PCDH17: variants seen among roughly 807,000 people sequenced by gnomAD.
PCDH17 encodes the protein protocadherin-17.
PCDH17 carries 21 observed loss-of-function variants against 67.7 expected under a neutral mutation model. The observed-to-expected ratio is 0.31, with a 90% confidence interval of 0.22 to 0.45. The LOEUF (loss-of-function observed/expected upper bound fraction) is 0.45, where lower values mean the gene tolerates loss of function less well. PCDH17 is among the 20% of genes least tolerant of loss of function. The probability of loss-of-function intolerance (pLI) is 1.00; values close to 1 mark genes in which losing one functional copy is unlikely to be tolerated. For synonymous variants in PCDH17, 701 were observed against 656.7 expected (o/e 1.07, Z -1.03); for missense variants, 1,471 against 1,564.8 (o/e 0.94, Z 1.01).
intron 1 of PCDH17, among the ~76,000 whole-genome samples, chr13:57,641,050 ATTAG>A (rs1359083278): frequency 2.6e-5 from 4 of 151,936 alleles, no homozygotes; most frequent in African/African-American, 7.2e-5. Context: ...ATGACTGTAT[ATTAG>A]TTAGAGAATA....
intron 3 of PCDH17, among the ~76,000 whole-genome samples, chr13:57,674,011 C>T (rs982241068): frequency 6.6e-6 from 1 of 151,996 alleles, no homozygotes; most frequent in Non-Finnish European, 1.5e-5. Flanking sequence ...ATATTTTTCA[C>T]ATGTGCAAAC....
rs1313750063 is a variant in PCDH17 at position 57,633,331 on chromosome 13, T to C, written c.785T>C (p.Val262Ala). 1 of 1,613,068 alleles carries C rather than the reference T, an allele frequency of 6.2e-7. No individual in the cohort carries two copies. Among genetic ancestry groups the C allele is most frequent in the Admixed American group, 1.7e-5 (1 of 59,988 alleles). ...LPENAPLGTVVIDLNATDADE... is the reference protein window; with the variant it reads ...LPENAPLGTVAIDLNATDADE... ...GAGAACGCTCCGCTGGGTACAGTGG[T>C]CATCGATCTGAACGCCACCGACGCC... The change falls in exon 1 of 4, where the codon GTC becomes GCC. Residue 262 changes from valine (V) to alanine (A), a missense_variant. By Grantham distance (64) the Val-to-Ala change is moderately conservative. Coordinates refer to ENST00000377918, the MANE Select transcript of PCDH17 (RefSeq NM_001040429.3). The surrounding 1 kb of genome is among the most constrained non-coding windows in gnomAD (Gnocchi z 6.2).
chr13:57,692,356 A>G (rs1218964352), intron 3 of PCDH17, among the ~76,000 whole-genome samples: 1 of 151,232 alleles, frequency 6.6e-6, no homozygotes, highest in African/African-American at 2.4e-5. Flanking sequence ...ATCTGTATTA[A>G]TTTACTTTAA....
intron 3 of PCDH17, among the ~76,000 whole-genome samples, chr13:57,695,080 T>C (rs981040477): frequency 6.6e-6 from 1 of 151,148 alleles, no homozygotes; most frequent in African/African-American, 2.4e-5. Context: ...TCCAGTTGAA[T>C]TGAATTTTTA....
At chr13:57,672,205 C>CT (rs796982361) in intron 3 of PCDH17, among the ~76,000 whole-genome samples, 2 of 151,870 alleles carry the variant, frequency 1.3e-5, no homozygotes, top group Non-Finnish European at 2.9e-5. Flanking sequence ...TAAGGATGGC[C>CT]TTTTTTTCCT....
At position 57,634,222 on chromosome 13, in the gene PCDH17, C is replaced by A. The variant is rs1566213902; in HGVS notation, c.1676C>A (p.Ala559Glu). ...AAGGTGCTTGCTAAGGACTCGGGGG[C>A]GCCCGCGCACTTGGAGAGCAACGCC... ...EFKVLAKDSG[A>E]PAHLESNATV... Residue 559 changes from alanine to glutamate, a missense_variant, in exon 1 of 4, where the codon GCG (alanine) becomes GAG (glutamate). Coordinates refer to ENST00000377918, the MANE Select transcript of PCDH17 (RefSeq NM_001040429.3). This position sits in a 1 kb window ranked among gnomAD's most constrained non-coding sequence, Gnocchi z 7.8. The A allele has an allele frequency of 6.2e-7, 1 of 1,613,278 alleles. No homozygotes were observed. The highest frequency in any genetic ancestry group is 2.2e-5 in the East Asian group (1 of 44,822).
upstream of PCDH17, among the ~76,000 whole-genome samples, chr13:57,631,376 CT>C (rs1020345190): frequency 9.2e-5 from 14 of 152,260 alleles, no homozygotes; most frequent in African/African-American, 7.2e-5. Context: ...CTCCCCCTTC[CT>C]TTTTATTCGG....
At chr13:57,702,880 C>T (rs538123429) in intron 3 of PCDH17, among the ~76,000 whole-genome samples, 1 of 152,232 alleles carries the variant, frequency 6.6e-6, no homozygotes, top group East Asian at 1.9e-4. Context: ...TAGAAGGAGG[C>T]ACAGTTAAAG....
chr13:57,663,495 A>G (rs1955209598), intron 1 of PCDH17, among the ~76,000 whole-genome samples: 1 of 151,906 alleles, frequency 6.6e-6, no homozygotes, highest in Admixed American at 6.6e-5. Context: ...TTTTTTCTCT[A>G]TTTTTCATTT....
chr13:57,651,039 C>T (rs900678661), intron 1 of PCDH17, among the ~76,000 whole-genome samples: 3 of 152,086 alleles, frequency 2.0e-5, no homozygotes, highest in African/African-American at 4.8e-5. Context: ...AAATATCATT[C>T]TAAAATATGA....
At chr13:57,649,851 T>A (rs1955014427) in intron 1 of PCDH17, among the ~76,000 whole-genome samples, 1 of 152,154 alleles carries the variant, frequency 6.6e-6, no homozygotes, top group Admixed American at 6.6e-5. Flanking sequence ...ATACTTCGTC[T>A]TTTTTATATT....
chr13:57,695,766 T>C (rs1328357791), intron 3 of PCDH17, among the ~76,000 whole-genome samples: 4 of 151,512 alleles, frequency 2.6e-5, no homozygotes, highest in African/African-American at 9.6e-5. Flanking sequence ...TCTTTACTTA[T>C]ATCATTTCTG....
chr13:57,637,946 T>TG, intron 1 of PCDH17, among the ~76,000 whole-genome samples: 1 of 152,162 alleles, frequency 6.6e-6, no homozygotes, highest in East Asian at 1.9e-4. Context: ...TCATATAAGC[T>TG]GATACAGAAA....
At chr13:57,720,699 A>C (rs1263920515) in intron 3 of PCDH17, among the ~76,000 whole-genome samples, 5 of 152,000 alleles carry the variant, frequency 3.3e-5, no homozygotes, top group African/African-American at 9.7e-5. Flanking sequence ...GAAAAAGCTA[A>C]GTTTTATCAC....
In PCDH17 at chr13:57,725,123, G is replaced by A. The variant is rs1310284591; in HGVS notation, c.3309G>A (p.Val1103=). The part of the protein sequence containing the change: ...SDQMARVFAD[V]HSRASRDSSE... ...AGATGGCAAGGGTCTTTGCAGATGT[G>A]CATTCCAGAGCCAGCCGGGATTCCA... Residue 1103 remains valine, a synonymous_variant, in exon 4 of 4, where the codon GTG becomes GTA. Coordinates refer to ENST00000377918, the MANE Select transcript of PCDH17 (RefSeq NM_001040429.3). 6.2e-7 allele frequency: 1 copy of A among 1,614,010 alleles called. No individual in the cohort carries two copies. Among genetic ancestry groups the A allele is most frequent in the African/African-American group, 1.3e-5 (1 of 74,926 alleles).
chr13:57,662,140 T>TA (rs1217352843), intron 1 of PCDH17, among the ~76,000 whole-genome samples: 2 of 152,174 alleles, frequency 1.3e-5, no homozygotes, highest in Non-Finnish European at 2.9e-5. Flanking sequence ...GTACTGGGAT[T>TA]ACAGGCATGA....
rs1285149963 is a variant in PCDH17, at chr13:57,652,264, G to A, written c.2566-14204G>A. On this transcript the variant is annotated intron_variant, in intron 1 of 3. Coordinates refer to ENST00000377918, the MANE Select transcript of PCDH17 (RefSeq NM_001040429.3). ...CTGCAGTCCGCAGTCCGGCCTGGGCGACAGAGCGAGACTCCGTCTCAAAAA... is the reference window on the plus strand; with the variant it reads ...CTGCAGTCCGCAGTCCGGCCTGGGCAACAGAGCGAGACTCCGTCTCAAAAA... Among the ~76,000 whole-genome samples, 14 of 122,754 alleles carry A rather than the reference G, an allele frequency of 1.1e-4. No individual in the cohort carries two copies. In the Admixed American group the frequency reaches 1.4e-3, roughly 12 times the overall value. 80.5% of individuals were successfully genotyped at this position (122,754 alleles called of 152,430 possible).
chr13:57,661,884 T>C (rs1955188060), intron 1 of PCDH17, among the ~76,000 whole-genome samples: 1 of 152,140 alleles, frequency 6.6e-6, no homozygotes, highest in African/African-American at 2.4e-5. Context: ...TCGTTGTTTT[T>C]TGAGACAGAG....
chr13:57,658,157 TTTAGA>T (rs1955132636), intron 1 of PCDH17, among the ~76,000 whole-genome samples: 2 of 152,184 alleles, frequency 1.3e-5, no homozygotes, highest in South Asian at 4.1e-4. Flanking sequence ...GTATTATCTA[TTTAGA>T]TTATTGAGGC....
Sources: allele counts gnomAD v4.1 joint callset (sites outside exome capture counted in the v4.1 genomes callset), GRCh38; gene constraint gnomAD v4.1.1; non-coding constraint Gnocchi (gnomAD v3.1); transcripts MANE v1.5; gene names NCBI Gene and HGNC (gene_info 2026-07-23, HGNC 2026-07-21).